The following CCDC178 variants were observed in gnomAD, a reference collection of about 807,000 sequenced individuals.
The protein encoded by CCDC178 is coiled-coil domain-containing protein 178.
CCDC178 carries 126 observed loss-of-function variants against 117.4 expected under a neutral mutation model. The observed-to-expected ratio is 1.07, with a 90% CI of 0.93 to 1.24. The LOEUF (loss-of-function observed/expected upper bound fraction) is 1.24. Ranked by LOEUF, CCDC178 falls within the 50% of genes most tolerant of loss-of-function variation. CCDC178 has a pLI of 0.00. For synonymous variants in CCDC178, 283 were observed against 313.4 expected, an observed-to-expected ratio of 0.90 and a Z score of 1.02; for missense variants, 1,030 against 986.9, an observed-to-expected ratio of 1.04 and a Z score of -0.59.
intron 14 of CCDC178, among the ~76,000 whole-genome samples, chr18:33,253,024 G>T (rs2059635057): frequency 6.6e-6 from 1 of 151,766 alleles, no homozygotes; most frequent in African/African-American, 2.4e-5. Context: ...TTTGAACCCT[G>T]CCTATCATGT....
chr18:33,259,909 A>G (rs917905303), intron 14 of CCDC178, among the ~76,000 whole-genome samples: 2 of 152,216 alleles, frequency 1.3e-5, no homozygotes, highest in African/African-American at 4.8e-5. Context: ...TGAATTAACA[A>G]TTTATGTAAT....
chr18:32,980,390 T>TG (rs894966769), intron 21 of CCDC178, among the ~76,000 whole-genome samples: 93 of 151,342 alleles, frequency 6.1e-4, no homozygotes, highest in Non-Finnish European at 1.1e-3. Context: ...GAGACCACGG[T>TG]GAAACCCCGT....
intron 5 of CCDC178, among the ~76,000 whole-genome samples, chr18:33,378,613 T>C (rs1475224689): frequency 1.3e-5 from 2 of 152,148 alleles, no homozygotes; most frequent in Non-Finnish European, 2.9e-5. Flanking sequence ...ATATTCATTT[T>C]ATGCCCTGTT....
intron 4 of CCDC178, among the ~76,000 whole-genome samples, chr18:33,390,188 G>A (rs2063547481): frequency 6.6e-6 from 1 of 151,502 alleles, no homozygotes; most frequent in African/African-American, 2.4e-5. Context: ...AAGAGAAAAT[G>A]TAGAGAGAGA....
chr18:33,095,780 A>G (rs980541199), intron 20 of CCDC178, among the ~76,000 whole-genome samples: 2 of 151,918 alleles, frequency 1.3e-5, no homozygotes, highest in Admixed American at 1.3e-4. Context: ...GTATATATAT[A>G]TATACACACT....
chr18:33,343,150 C>A (rs543381202), intron 9 of CCDC178, among the ~76,000 whole-genome samples: 1 of 151,864 alleles, frequency 6.6e-6, no homozygotes, highest in Non-Finnish European at 1.5e-5. Context: ...TAGGAAAATA[C>A]CCATGGAGCC....
chr18:33,209,933 G>A (rs271544), intron 20 of CCDC178, among the ~76,000 whole-genome samples: 13,873 of 151,988 alleles, frequency 0.091, 787 homozygotes, highest in African/African-American at 0.16. Context: ...GAGAGAGAGA[G>A]AAAGAGAGAC....
At chr18:33,203,646 T>C (rs2059017003) in intron 20 of CCDC178, among the ~76,000 whole-genome samples, 1 of 152,222 alleles carries the variant, frequency 6.6e-6, no homozygotes, top group African/African-American at 2.4e-5. Context: ...AGTCAATCTT[T>C]TCAAACATAA....
chr18:32,979,063 G>T (rs1345392469), intron 21 of CCDC178, among the ~76,000 whole-genome samples: 1 of 151,002 alleles, frequency 6.6e-6, no homozygotes, highest in East Asian at 1.9e-4. Flanking sequence ...GAAAAAAAAA[G>T]TCTATATGAG....
intron 11 of CCDC178, among the ~76,000 whole-genome samples, chr18:33,314,757 G>A (rs924212806): frequency 1.3e-5 from 2 of 152,010 alleles, no homozygotes; most frequent in South Asian, 2.1e-4. Context: ...CTAAATATAC[G>A]AGCCCATATC....
At chr18:33,440,591 C>G (rs1398235130) in intron 1 of CCDC178, 62 bp downstream of exon 1, 2 of 150,908 alleles carry the variant, frequency 1.3e-5, no homozygotes, top group African/African-American at 4.9e-5. Flanking sequence ...TGGGCGCCGC[C>G]CGGCAGCGCC....
intron 15 of CCDC178, among the ~76,000 whole-genome samples, chr18:33,236,007 A>G (rs2059422740): frequency 6.6e-6 from 1 of 152,212 alleles, no homozygotes; most frequent in Non-Finnish European, 1.5e-5. Flanking sequence ...AGTGCTAGAC[A>G]TACTTCTTGT....
chr18:33,114,005 T>C (rs542847707), intron 20 of CCDC178, among the ~76,000 whole-genome samples: 16 of 152,114 alleles, frequency 1.1e-4, no homozygotes, highest in South Asian at 8.3e-4. Context: ...TGCTATTTGG[T>C]AGTTTACACA....
At chr18:32,946,642 A>C (rs927119554) in intron 22 of CCDC178, among the ~76,000 whole-genome samples, 5 of 151,248 alleles carry the variant, frequency 3.3e-5, no homozygotes, top group Non-Finnish European at 5.9e-5. Flanking sequence ...GGTATTTAAT[A>C]TAGATTTGCT....
intron 9 of CCDC178, among the ~76,000 whole-genome samples, chr18:33,337,018 A>G (rs552016428): frequency 1.3e-5 from 2 of 152,058 alleles, no homozygotes; most frequent in East Asian, 3.9e-4. Context: ...TGTTGATTCT[A>G]TCCATCCATG....
chr18:33,318,379 T>C lies in CCDC178; in HGVS notation c.1022+5112A>G, dbSNP rs138871314. 5.3e-5 allele frequency among the ~76,000 whole-genome samples: 8 copies of C among 152,292 alleles called. No homozygotes were observed. In the East Asian group the frequency reaches 7.7e-4, roughly 15 times the overall value. ...GCTAACAACAGAGTCCTTTGGTCAATTGCATTTCTCGTAGTTGGTGGTTGC... is the reference window on the plus strand; with the variant it reads ...GCTAACAACAGAGTCCTTTGGTCAACTGCATTTCTCGTAGTTGGTGGTTGC... On this transcript the variant is annotated intron_variant, in intron 11 of 22. Transcript: ENST00000383096.
chr18:33,436,046 T>C (rs147165810), intron 2 of CCDC178, among the ~76,000 whole-genome samples: 53 of 151,326 alleles, frequency 3.5e-4, no homozygotes, highest in Admixed American at 9.2e-4. Flanking sequence ...TATAGAACTA[T>C]AGTTGGATCA....
intron 21 of CCDC178, among the ~76,000 whole-genome samples, chr18:33,078,377 A>G (rs1203125694): frequency 6.6e-6 from 1 of 152,164 alleles, no homozygotes; most frequent in Non-Finnish European, 1.5e-5. Flanking sequence ...AGCACAAGAC[A>G]AGAGTGCTCT....
At chr18:33,355,739 T>C (rs1485466033) in intron 7 of CCDC178, among the ~76,000 whole-genome samples, 1 of 152,224 alleles carries the variant, frequency 6.6e-6, no homozygotes, top group Non-Finnish European at 1.5e-5. Context: ...TGCCTTTAAA[T>C]GCTTTTTGCA....
Sources: gnomAD v4.1 joint callset for allele counts (sites outside exome capture counted in the v4.1 genomes callset) on GRCh38, gnomAD v4.1.1 for gene constraint, MANE v1.5 for transcripts, NCBI Gene and HGNC (gene_info 2026-07-23, HGNC 2026-07-21) for gene names.